CHN2: variants seen among roughly 807,000 people sequenced by gnomAD.
CHN2 encodes beta-chimaerin.
Under a neutral mutation model 56.3 loss-of-function variants are expected in CHN2, and 35 were observed. The observed-to-expected ratio is 0.62, with a 90% CI of 0.47 to 0.82. CHN2 has a LOEUF of 0.82. Among genes scored for constraint, CHN2 ranks in the 40% least tolerant of loss-of-function variants. The pLI, the probability that CHN2 is intolerant of heterozygous loss-of-function variation, is 0.00. For missense variants in CHN2, 491 were observed against 580.5 expected (o/e 0.85, Z 1.58); for synonymous variants, 210 against 212.8 (o/e 0.99, Z 0.12).
At position 29,393,562 on chromosome 7, in the gene CHN2, G is replaced by A. The variant is rs1801514031; in HGVS notation, c.145-117G>A. 3.8e-5 allele frequency: 18 copies of A among 478,050 alleles called. 1 individual carries two copies. Among genetic ancestry groups the A allele is most frequent in the South Asian group, 3.5e-4 (17 of 47,936 alleles). The allele number at this position is 478,050 out of a possible 1,614,324, so 29.6% of individuals were successfully genotyped here. On this transcript the variant is annotated intron_variant, in intron 3 of 12. Transcript: ENST00000222792. ...AGCTTCATGGATCTCTGATTTGGAG[G>A]ATACAATCTGTAATAAAATTACTAC...
At position 29,399,040 on chromosome 7, in the gene CHN2, C is replaced by T. The variant is rs1303185185; in HGVS notation, c.290+554C>T. ...TACCATAAACAATTACCCCTCCCTA[C>T]TCCTTACTTGATATCTTCACTTGTT... On this transcript the variant is annotated intron_variant, in intron 5 of 12. Coordinates refer to ENST00000222792, the MANE Select transcript of CHN2 (RefSeq NM_004067.4). 3.3e-5 allele frequency among the ~76,000 whole-genome samples: 5 copies of T among 152,234 alleles called. No individual in the cohort carries two copies. In the South Asian group the frequency reaches 8.3e-4, roughly 25 times the overall value.
intron 2 of CHN2, among the ~76,000 whole-genome samples, chr7:29,356,386 G>C (rs1013068703): frequency 1.3e-5 from 2 of 151,990 alleles, no homozygotes; most frequent in Admixed American, 1.3e-4. Flanking sequence ...CTACATAAAA[G>C]ACAGATATTA....
At chr7:29,278,033 C>A (rs39107) in intron 1 of CHN2, among the ~76,000 whole-genome samples, 4 of 152,076 alleles carry the variant, frequency 2.6e-5, no homozygotes, top group African/African-American at 4.8e-5. Context: ...AGATGCAGAT[C>A]AGGCCTGTGT....
chr7:29,288,659 A>G (rs2051839), intron 1 of CHN2, among the ~76,000 whole-genome samples: 118,671 of 152,146 alleles, frequency 0.78, 46,372 homozygotes, highest in East Asian at 0.79. Context: ...CAGGGAGCAC[A>G]CAGAGAGGAA....
chr7:29,269,485 C>G (rs1338517262), intron 1 of CHN2, among the ~76,000 whole-genome samples: 1 of 152,190 alleles, frequency 6.6e-6, no homozygotes, highest in Non-Finnish European at 1.5e-5. Flanking sequence ...CATATCTTGG[C>G]TGTTGTGAAT....
At chr7:29,192,441 G>A (rs1365217492), upstream of CHN2, 4 of 152,192 alleles carry the variant, frequency 2.6e-5, no homozygotes, top group African/African-American at 9.7e-5. Flanking sequence ...TTTCAGAGAT[G>A]AATAATGAAA....
chr7:29,510,083 G>A (rs931773247), intron 12 of CHN2, among the ~76,000 whole-genome samples: 1 of 152,102 alleles, frequency 6.6e-6, no homozygotes, highest in Non-Finnish European at 1.5e-5. Context: ...AGGCTCCTGA[G>A]ACTGCCTGCC....
intron 1 of CHN2, among the ~76,000 whole-genome samples, chr7:29,282,941 C>T (rs147631408): frequency 5.0e-4 from 76 of 152,196 alleles, no homozygotes; most frequent in African/African-American, 1.8e-3. Flanking sequence ...AGAAAAGGAA[C>T]AATATCAGCA....
intron 1 of CHN2, among the ~76,000 whole-genome samples, chr7:29,195,977 T>G (rs1175916121): frequency 1.3e-5 from 2 of 152,156 alleles, no homozygotes; most frequent in Non-Finnish European, 2.9e-5. Flanking sequence ...ATAAGACATT[T>G]AGGGTAGTAT....
At chr7:29,405,604 G>A (rs377077319) in intron 6 of CHN2, among the ~76,000 whole-genome samples, 2 of 152,090 alleles carry the variant, frequency 1.3e-5, no homozygotes, top group African/African-American at 4.8e-5. Flanking sequence ...GGCAGGCACC[G>A]AAGCCCTCTT....
At chr7:29,328,200 G>A (rs898011656) in intron 1 of CHN2, among the ~76,000 whole-genome samples, 5 of 152,122 alleles carry the variant, frequency 3.3e-5, no homozygotes, top group Non-Finnish European at 5.9e-5. Flanking sequence ...AGTCTGAATC[G>A]TATTTTCTAC....
At chr7:29,418,951 A>G (rs868417202) in intron 6 of CHN2, among the ~76,000 whole-genome samples, 2 of 152,204 alleles carry the variant, frequency 1.3e-5, no homozygotes, top group African/African-American at 2.4e-5. Context: ...TAATAAGCCC[A>G]TAAGAGGGAT....
Position 29,504,819 on chromosome 7 carries a change from G to T in CHN2, c.989G>T (p.Arg330Ile). The change falls in exon 10 of 13, where the codon AGA becomes ATA. Residue 330 changes from arginine (R) to isoleucine (I), a missense_variant and splice_region_variant. By Grantham distance (97) the Arg-to-Ile change is moderately conservative. Transcript: ENST00000222792. ...HIEDVKMAFD[R>I]DGEKADISAN... ...GAAGATGTCAAAATGGCATTTGACAGAGGTAAGCTTGTACTTTCTTGAATG... is the reference window on the plus strand; with the variant it reads ...GAAGATGTCAAAATGGCATTTGACATAGGTAAGCTTGTACTTTCTTGAATG... 6.2e-7 allele frequency: 1 copy of T among 1,610,314 alleles called. No individual in the cohort carries two copies. Among genetic ancestry groups the T allele is most frequent in the Non-Finnish European group, 8.5e-7 (1 of 1,176,934 alleles).
At position 29,390,265 on chromosome 7, in the gene CHN2, C is replaced by G. The variant is rs916801703; in HGVS notation, c.145-3414C>G. Among the ~76,000 whole-genome samples the G allele has an allele frequency of 1.4e-4, 22 of 152,122 alleles. 1 individual carries two copies. Among genetic ancestry groups the G allele is most frequent in the African/African-American group, 5.1e-4 (21 of 41,428 alleles). ...TTAGAAGAACTAGTAATCCGTGTAACACGACTACATATTTTCTTTCTCTTA... is the reference window on the plus strand; with the variant it reads ...TTAGAAGAACTAGTAATCCGTGTAAGACGACTACATATTTTCTTTCTCTTA... On this transcript the variant is annotated intron_variant, in intron 3 of 12. Transcript: ENST00000222792.
At chr7:29,345,417 G>A (rs1797354456) in intron 1 of CHN2, among the ~76,000 whole-genome samples, 1 of 152,106 alleles carries the variant, frequency 6.6e-6, no homozygotes. Context: ...TAGGTTGGTG[G>A]GTCCAGGAAG....
At chr7:29,360,907 G>A (rs1362450522) in intron 2 of CHN2, among the ~76,000 whole-genome samples, 3 of 152,178 alleles carry the variant, frequency 2.0e-5, no homozygotes, top group Admixed American at 6.5e-5. Flanking sequence ...AAGTAAAACA[G>A]TCTGTCAGTG....
At chr7:29,240,866 T>G (rs1412284297) in intron 1 of CHN2, among the ~76,000 whole-genome samples, 1 of 148,840 alleles carries the variant, frequency 6.7e-6, no homozygotes, top group Non-Finnish European at 1.5e-5. Flanking sequence ...TTCTTCTTTC[T>G]TCTTCCTTCT....
chr7:29,487,213 T>TG lies in CHN2; in HGVS notation c.654+6857_654+6858insG, dbSNP rs200985716. Among the ~76,000 whole-genome samples the TG allele has an allele frequency of 1.4e-3, 208 of 151,700 alleles. 1 individual carries two copies. Among genetic ancestry groups the TG allele is most frequent in the East Asian group, 8.1e-3 (42 of 5,160 alleles). ...TGGTTGGGGGCTTGTTTTGTTTTTT[T>TG]TTTGTTTGTTTGTTTTGTTTTGTTT... On this transcript the variant is annotated intron_variant, in intron 7 of 12. Coordinates refer to ENST00000222792, the MANE Select transcript of CHN2 (RefSeq NM_004067.4).
intron 1 of CHN2, among the ~76,000 whole-genome samples, chr7:29,280,454 A>G (rs1045669066): frequency 3.3e-5 from 5 of 152,128 alleles, no homozygotes; most frequent in Non-Finnish European, 7.3e-5. Context: ...GGGACAGGAA[A>G]GTTAATGGCT....
Sources: gnomAD v4.1 joint callset for allele counts (sites outside exome capture counted in the v4.1 genomes callset) on GRCh38, gnomAD v4.1.1 for gene constraint, MANE v1.5 for transcripts, NCBI Gene and HGNC (gene_info 2026-07-23, HGNC 2026-07-21) for gene names.